The following ZNF692 variants were observed in gnomAD, a reference collection of about 807,000 sequenced individuals.
ZNF692 encodes AICAR responsive element binding protein.
ZNF692 carries 41 observed loss-of-function variants against 49.0 expected under a neutral mutation model. The observed-to-expected ratio is 0.84, with a 90% CI of 0.65 to 1.08. The LOEUF is 1.08. ZNF692 is among the 50% of genes least tolerant of loss of function. The pLI, the probability that ZNF692 is intolerant of heterozygous loss-of-function variation, is 0.00. For synonymous variants in ZNF692, 288 were observed against 251.5 expected (o/e 1.15, Z -1.37); for missense variants, 662 against 662.2 (o/e 1.00, Z 0.00).
Position 248,856,431 on chromosome 1 carries a change from C to G in ZNF692, c.525-9G>C. Reference sequence around the variant, plus strand: ...GTGGGGGTCCCACCCTCCTGCAGGCCCAAAGAAGGCAAGCCTGAGGTCCTG... The same window carrying G: ...GTGGGGGTCCCACCCTCCTGCAGGCGCAAAGAAGGCAAGCCTGAGGTCCTG... On this transcript the variant is annotated splice_polypyrimidine_tract_variant and intron_variant, in intron 5 of 11. Coordinates refer to ENST00000306601, the MANE Select transcript of ZNF692 (RefSeq NM_017865.4). 6.2e-7 allele frequency: 1 copy of G among 1,613,900 alleles called. No individual in the cohort carries two copies. Among genetic ancestry groups the G allele is most frequent in the Non-Finnish European group, 8.5e-7 (1 of 1,179,840 alleles).
At position 248,855,875 on chromosome 1, in the gene ZNF692, G is replaced by C; in HGVS notation, c.731C>G (p.Pro244Arg). Residue 244 changes from proline to arginine, a missense_variant, in exon 7 of 12, where the codon CCA becomes CGA. Coordinates refer to ENST00000306601, the MANE Select transcript of ZNF692 (RefSeq NM_017865.4). ...TCTPKEGETP[P>R]APAALSSPLA... ...AGGACTGGAGAGTGCTGCAGGGGCT[G>C]GTGGTGTCTCCCCCTCTTTAGGTGT... The C allele has an allele frequency of 1.2e-6, 2 of 1,614,174 alleles. No individual in the cohort carries two copies. Among genetic ancestry groups the C allele is most frequent in the Non-Finnish European group, 1.7e-6 (2 of 1,180,032 alleles).
At chr1:248,854,824 C>T (rs1038436086) in intron 9 of ZNF692, among the ~76,000 whole-genome samples, 3 of 152,104 alleles carry the variant, frequency 2.0e-5, no homozygotes, top group East Asian at 1.9e-4. Flanking sequence ...CCTGTCATCC[C>T]GGGTCATTTT....
In ZNF692 at chr1:248,855,359, G is replaced by A. The variant is rs199781087; in HGVS notation, c.1038+21C>T. The A allele has an allele frequency of 2.2e-5, 35 of 1,613,200 alleles. No individual in the cohort carries two copies. The African/African-American group carries it at 4.4e-4, about 20-fold the overall frequency. On this transcript the variant is annotated intron_variant, in intron 9 of 11. Transcript: ENST00000306601. Reference sequence around the variant, plus strand: ...TTCCCCCACCCCAGCAGCCACACAGGCCCCAACCTGTGCCCCTCACATTCA... The same window carrying A: ...TTCCCCCACCCCAGCAGCCACACAGACCCCAACCTGTGCCCCTCACATTCA...
intron 6 of ZNF692, 24 bp from the exon 7 acceptor site, chr1:248,855,970 A>C (rs1306407191): frequency 8.1e-6 from 13 of 1,609,292 alleles, no homozygotes; most frequent in Non-Finnish European, 1.0e-5. Flanking sequence ...AAAGAGGAAG[A>C]TGGCATTAAC....
At chr1:248,856,263 T>A in intron 6 of ZNF692, 25 bp downstream of exon 6, 1 of 1,559,996 alleles carries the variant, frequency 6.4e-7, no homozygotes, top group Middle Eastern at 1.8e-4. Context: ...CTTGCTCTGC[T>A]CATTCTCCCT....
intron 2 of ZNF692, 85 bp from the exon 3 acceptor site, chr1:248,857,944 C>G: frequency 1.9e-6 from 3 of 1,575,882 alleles, no homozygotes; most frequent in Non-Finnish European, 2.6e-6. Context: ...GGGGCCAGCC[C>G]TAAGGGCCGC....
In ZNF692 at chr1:248,858,253, C is replaced by G. The variant is rs771022929; in HGVS notation, c.57G>C (p.Gln19His). ...GGCACTTGCTGCGGCGCGCGTCCAG[C>G]TGCCGCCGCTTCTCCCGCCGCCTGC... ...VSCRRREKRRQLDARRSKCRI... is the reference protein window; with the variant it reads ...VSCRRREKRRHLDARRSKCRI... The change falls in exon 2 of 12, where the codon CAG becomes CAC. Residue 19 changes from glutamine to histidine, a missense_variant. Coordinates refer to ENST00000306601, the MANE Select transcript of ZNF692 (RefSeq NM_017865.4). The surrounding 1 kb of genome is among the most constrained non-coding windows in gnomAD (Gnocchi z 4.3). 7.0e-6 allele frequency: 11 copies of G among 1,582,034 alleles called. No homozygotes were observed. The highest frequency in any genetic ancestry group is 9.5e-6 in the Non-Finnish European group (11 of 1,163,866).
At position 248,850,368 on chromosome 1, in the gene ZNF692, T is replaced by C; in HGVS notation, c.1402A>G (p.Ser468Gly). Residue 468 changes from serine to glycine, a missense_variant, in exon 12 of 12, where the codon AGC (serine) becomes GGC (glycine). Physicochemically the swap from Ser to Gly is moderately conservative, Grantham distance 56. Coordinates refer to ENST00000306601, the MANE Select transcript of ZNF692 (RefSeq NM_017865.4). ...EKPDSVAAHR[S>G]KSHPALLLAP... is the part of the protein sequence containing the mutation. ...AGAAGCAGGGCTGGGTGACTTTTGCTACGGTGGGCTGCAACACTGTCTGGC... is the reference window on the plus strand; with the variant it reads ...AGAAGCAGGGCTGGGTGACTTTTGCCACGGTGGGCTGCAACACTGTCTGGC... The C allele has an allele frequency of 6.2e-7, 1 of 1,614,106 alleles. No homozygotes were observed. The highest frequency in any genetic ancestry group is 8.5e-7 in the Non-Finnish European group (1 of 1,180,016).
At position 248,850,192 on chromosome 1, in the gene ZNF692, C is replaced by T. The variant is rs1659379560; in HGVS notation, c.*18G>A. Reference sequence around the variant, plus strand: ...GTCCCTGGAGTCTGGCTTCCCAAAGCCAAAGCTGGAGGAGAGCTCATTGCT... The same window carrying T: ...GTCCCTGGAGTCTGGCTTCCCAAAGTCAAAGCTGGAGGAGAGCTCATTGCT... On this transcript the variant is annotated 3_prime_UTR_variant, in exon 12 of 12. Coordinates refer to ENST00000306601, the MANE Select transcript of ZNF692 (RefSeq NM_017865.4). 1 of 1,507,790 alleles carries T rather than the reference C, an allele frequency of 6.6e-7. No individual in the cohort carries two copies. The highest frequency in any genetic ancestry group is 8.9e-7 in the Non-Finnish European group (1 of 1,128,850). The allele number at this position is 1,507,790 out of a possible 1,614,324, so 93.4% of individuals were successfully genotyped here. A position where few individuals can be genotyped will look rare whatever the true frequency, so the allele number is the denominator to read the frequency against.
At chr1:248,850,814 C>A (rs1194469438) in intron 10 of ZNF692, 33 bp from the exon 11 acceptor site, 1 of 1,602,666 alleles carries the variant, frequency 6.2e-7, no homozygotes, top group East Asian at 2.2e-5. Flanking sequence ...CCAGCATCTG[C>A]CCCCACCCTG....
At chr1:248,853,467 C>G (rs983333981) in intron 10 of ZNF692, among the ~76,000 whole-genome samples, 7 of 152,194 alleles carry the variant, frequency 4.6e-5, no homozygotes, top group African/African-American at 1.7e-4. Context: ...CTCCTGGCCT[C>G]TTCCCTATTC....
In ZNF692 at chr1:248,856,364, C is replaced by T. The variant is rs750092178; in HGVS notation, c.583G>A (p.Glu195Lys). 2 of 1,612,552 alleles carry T rather than the reference C, an allele frequency of 1.2e-6. No individual in the cohort carries two copies. Among genetic ancestry groups the T allele is most frequent in the East Asian group, 2.2e-5 (1 of 44,876 alleles). The change falls in exon 6 of 12, where the codon GAA becomes AAA. Residue 195 changes from glutamate to lysine, a missense_variant. Coordinates refer to ENST00000306601, the MANE Select transcript of ZNF692 (RefSeq NM_017865.4). ...PPPGEEEGEE[E>K]EDNDEDEEEM... ...TCTTCATCCTCATCATTGTCCTCTT[C>T]TTCCTCACCCTCTTCCTCTCCTGGA...
chr1:248,853,464 C>A (rs1659848063), intron 10 of ZNF692, among the ~76,000 whole-genome samples: 1 of 152,178 alleles, frequency 6.6e-6, no homozygotes, highest in Admixed American at 6.5e-5. Flanking sequence ...CAGCTCCTGG[C>A]CTCTTCCCTA....
In ZNF692 at chr1:248,858,455, A is replaced by G. The variant is rs1660510928; in HGVS notation, c.-12-134T>C. ...ACTAAACTATTTCAATAGCAGTGGC[A>G]GGTGTGGAGCCAAACCCCGTCCTTC... On this transcript the variant is annotated intron_variant, in intron 1 of 11. Transcript: ENST00000306601. The surrounding 1 kb of genome is among the most constrained non-coding windows in gnomAD (Gnocchi z 4.3). 12 of 1,551,474 alleles carry G rather than the reference A, an allele frequency of 7.7e-6. No homozygotes were observed. Among genetic ancestry groups the G allele is most frequent in the Non-Finnish European group, 1.0e-5 (12 of 1,146,788 alleles).
chr1:248,850,138 G>A lies in ZNF692; in HGVS notation c.*72C>T. On this transcript the variant is annotated 3_prime_UTR_variant, in exon 12 of 12. Transcript: ENST00000306601. The stretch of plus-strand genomic sequence containing the variant: ...GGACCAAGCATCTGGCATTTCTCAA[G>A]CAGACCCTCTCCTTGTTGCTCCTTT... 1 of 1,480,538 alleles carries A rather than the reference G, an allele frequency of 6.8e-7. No individual in the cohort carries two copies. The highest frequency in any genetic ancestry group is 9.0e-7 in the Non-Finnish European group (1 of 1,109,444). 91.7% of individuals were successfully genotyped at this position (1,480,538 alleles called of 1,614,324 possible).
chr1:248,858,512 C>G lies in ZNF692; in HGVS notation c.-12-191G>C. ...ACAGGGTGTTGAAGCTCAGCGCTACCATGTGAGTGTCGTCGGGTGGGAGGC... is the reference window on the plus strand; with the variant it reads ...ACAGGGTGTTGAAGCTCAGCGCTACGATGTGAGTGTCGTCGGGTGGGAGGC... On this transcript the variant is annotated intron_variant, in intron 1 of 11. Transcript: ENST00000306601. The surrounding 1 kb of genome is among the most constrained non-coding windows in gnomAD (Gnocchi z 4.3). 1 of 1,551,736 alleles carries G rather than the reference C, an allele frequency of 6.4e-7. No individual in the cohort carries two copies. The highest frequency in any genetic ancestry group is 8.7e-7 in the Non-Finnish European group (1 of 1,147,010).
rs1660544536 is a variant in ZNF692 at position 248,858,702 on chromosome 1, AG to A, written c.-13+215del. On this transcript the variant is annotated intron_variant, in intron 1 of 11. Transcript: ENST00000306601. This position sits in a 1 kb window ranked among gnomAD's most constrained non-coding sequence, Gnocchi z 4.3. ...GCGGCCTTTACTGGTTTCTAGGGGA[AG>A]GAAAGGTCGTGTCCTGGCGTGCAGC... 1.3e-6 allele frequency: 1 copy of A among 777,304 alleles called. No individual in the cohort carries two copies. Among genetic ancestry groups the A allele is most frequent in the Non-Finnish European group, 2.2e-6 (1 of 464,712 alleles). The allele number at this position is 777,304 out of a possible 1,614,324, so 48.2% of individuals were successfully genotyped here.
At chr1:248,850,885 C>T in intron 10 of ZNF692, 104 bp from the exon 11 acceptor site, 1 of 967,266 alleles carries the variant, frequency 1.0e-6, no homozygotes, top group South Asian at 1.4e-5. Flanking sequence ...TATTGGAGGT[C>T]AGGAGGCTCA....
chr1:248,857,673 A>C, intron 3 of ZNF692, 155 bp downstream of exon 3: 1 of 1,467,382 alleles, frequency 6.8e-7, no homozygotes, highest in Non-Finnish European at 9.0e-7. Flanking sequence ...TCCCTTCCCC[A>C]CCCAGAGGTT....
Sources: gnomAD v4.1 joint callset for allele counts (sites outside exome capture counted in the v4.1 genomes callset) on GRCh38, gnomAD v4.1.1 for gene constraint, Gnocchi (gnomAD v3.1) non-coding constraint, MANE v1.5 for transcripts, NCBI Gene and HGNC (gene_info 2026-07-23, HGNC 2026-07-21) for gene names.